The following TTC6 variants were observed in gnomAD, a reference collection of about 807,000 sequenced individuals.
TTC6 encodes tetratricopeptide repeat protein 6.
A neutral mutation model predicts 210.4 loss-of-function variants in TTC6; 172 were observed. The observed-to-expected ratio is 0.82, with a 90% CI of 0.72 to 0.93. The LOEUF is 0.93. TTC6 is among the 40% of genes least tolerant of loss of function. The probability of loss-of-function intolerance (pLI) is 0.00; values close to 1 mark genes in which losing one functional copy is unlikely to be tolerated. For missense variants in TTC6, 2,414 were observed against 2,318.1 expected (o/e 1.04, Z -0.85); for synonymous variants, 804 against 819.6 (o/e 0.98, Z 0.32).
rs145987508 is a variant in TTC6, at chr14:37,792,845, A to G, written c.3708+431A>G. Among the ~76,000 whole-genome samples, 14 of 149,530 alleles carry G rather than the reference A, an allele frequency of 9.4e-5. No homozygotes were observed. The East Asian group carries it at 1.6e-3, about 17-fold the overall frequency. ...ACAGGTGAGTAAGTAGGTTCATACA[A>G]TGGGATCCAACCATAGAATGGGATA... On this transcript the variant is annotated intron_variant, in intron 17 of 30. Coordinates refer to ENST00000553443, the Ensembl canonical transcript of TTC6.
At chr14:37,729,380 C>A (rs1001413146) in intron 7 of TTC6, among the ~76,000 whole-genome samples, 2 of 152,190 alleles carry the variant, frequency 1.3e-5, no homozygotes, top group Non-Finnish European at 2.9e-5. Flanking sequence ...CTCACATCTG[C>A]TTCAAGAAAA....
intron 2 of TTC6, 40 bp downstream of exon 4, chr14:37,680,301 G>A (rs2095780407): frequency 1.6e-6 from 2 of 1,243,804 alleles, no homozygotes; most frequent in Non-Finnish European, 2.2e-6. Context: ...CTCTGTTAAA[G>A]TAACAGCATG....
intron 29 of TTC6, among the ~76,000 whole-genome samples, chr14:37,840,184 A>G (rs2096206824): frequency 6.6e-6 from 1 of 152,216 alleles, no homozygotes; most frequent in African/African-American, 2.4e-5. Flanking sequence ...CAGAAATACA[A>G]ACTACCATCA....
At chr14:37,788,971 G>T (rs888252979) in intron 15 of TTC6, among the ~76,000 whole-genome samples, 8 of 151,842 alleles carry the variant, frequency 5.3e-5, no homozygotes, top group African/African-American at 1.9e-4. Context: ...GGCTTCTCAT[G>T]CCCTCCTCTC....
chr14:37,725,155 T>A (rs1476867691), intron 7 of TTC6, among the ~76,000 whole-genome samples, 153 bp downstream of exon 9: 5 of 150,598 alleles, frequency 3.3e-5, no homozygotes. Context: ...ACTACAGAAG[T>A]TATTTATATA....
chr14:37,748,639 C>T (rs2095943002), intron 10 of TTC6, among the ~76,000 whole-genome samples: 1 of 151,932 alleles, frequency 6.6e-6, no homozygotes, highest in Admixed American at 6.6e-5. Flanking sequence ...ATTGTAATTC[C>T]TCTGGTGGCT....
chr14:37,738,781 A>G (rs544015771), exon 10 of TTC6: 9 of 1,477,196 alleles, frequency 6.1e-6, no homozygotes, highest in South Asian at 5.4e-5. Context: ...CTAAGCGAGT[A>G]AAATCTTCTG....
intron 3 of TTC6, among the ~76,000 whole-genome samples, chr14:37,689,793 C>T (rs577021431): frequency 4.7e-4 from 71 of 152,122 alleles, no homozygotes; most frequent in Non-Finnish European, 9.6e-4. Context: ...TTATCAACAC[C>T]AGACCTGTCT....
At chr14:37,746,333 C>G (rs1463451132) in intron 10 of TTC6, among the ~76,000 whole-genome samples, 1 of 152,176 alleles carries the variant, frequency 6.6e-6, no homozygotes, top group Non-Finnish European at 1.5e-5. Flanking sequence ...CTTGACTAAG[C>G]ACATTCCATA....
intron 1 of TTC6, among the ~76,000 whole-genome samples, chr14:37,647,574 C>T (rs1326546837): frequency 6.6e-6 from 1 of 150,376 alleles, no homozygotes; most frequent in Non-Finnish European, 1.5e-5. Flanking sequence ...GGGGGCAGCC[C>T]GATTGTGAGG....
intron 20 of TTC6, 125 bp from the exon 23 acceptor site, chr14:37,804,555 G>T (rs1379027073): frequency 7.9e-7 from 1 of 1,264,606 alleles, no homozygotes; most frequent in African/African-American, 1.5e-5. Context: ...AGGTCTGTTT[G>T]TCCCCAGATA....
intron 1 of TTC6, among the ~76,000 whole-genome samples, chr14:37,655,323 G>T (rs1429765211): frequency 1.3e-5 from 2 of 152,130 alleles, no homozygotes; most frequent in Non-Finnish European, 1.5e-5. Flanking sequence ...GAAAAAAATG[G>T]ATAGTTTCTC....
At chr14:37,616,122 C>T (rs1355157749) in intron 2 of TTC6, among the ~76,000 whole-genome samples, 1 of 152,192 alleles carries the variant, frequency 6.6e-6, no homozygotes, top group Non-Finnish European at 1.5e-5. Context: ...TAAGCCTTTA[C>T]TGTGCTACTT....
chr14:37,797,243 G>A (rs931008433), intron 20 of TTC6, among the ~76,000 whole-genome samples: 10 of 151,990 alleles, frequency 6.6e-5, no homozygotes, highest in Admixed American at 1.3e-4. Context: ...GAAATGACGC[G>A]TTGTTTCATA....
chr14:37,828,152 CTTCAA>C (rs1200729865), intron 29 of TTC6, among the ~76,000 whole-genome samples: 3 of 152,060 alleles, frequency 2.0e-5, no homozygotes, highest in Non-Finnish European at 2.9e-5. Context: ...TCTCTTTGGA[CTTCAA>C]TTCATAATGT....
chr14:37,774,628 T>A (rs1176520201), intron 14 of TTC6, among the ~76,000 whole-genome samples: 1 of 152,102 alleles, frequency 6.6e-6, no homozygotes, highest in Non-Finnish European at 1.5e-5. Flanking sequence ...TGCTGCTGGA[T>A]TTGGTTTGGT....
rs537746357 is a variant in TTC6 at position 37,787,873 on chromosome 14, TTATG to T, written c.3436+238_3436+241del. On this transcript the variant is annotated intron_variant, in intron 15 of 30. Transcript: ENST00000553443. Reference sequence around the variant, plus strand: ...GCTATAAGTGTTTCTAATATGCCCTTTATGTGTGTGTGTGTCTGTGTGTGTGTGT... The same window carrying T: ...GCTATAAGTGTTTCTAATATGCCCTTTGTGTGTGTGTCTGTGTGTGTGTGT... 1.3e-3 allele frequency among the ~76,000 whole-genome samples: 163 copies of T among 129,404 alleles called. 1 individual carries two copies. In the East Asian group the frequency reaches 0.017, roughly 13 times the overall value. The allele number at this position is 129,404 out of a possible 152,430, so 84.9% of individuals were successfully genotyped here. A position where few individuals can be genotyped will look rare whatever the true frequency, so the allele number is the denominator to read the frequency against.
chr14:37,793,280 T>A (rs1254525043), intron 17 of TTC6, among the ~76,000 whole-genome samples: 1 of 152,212 alleles, frequency 6.6e-6, no homozygotes, highest in Non-Finnish European at 1.5e-5. Context: ...AGCTTCTAAT[T>A]GCCTTTCTAC....
rs753561673 is a variant in TTC6 at position 37,841,439 on chromosome 14, T to C, written c.5299-6T>C. 3.2e-6 allele frequency: 5 copies of C among 1,581,564 alleles called. No homozygotes were observed. The South Asian group carries it at 5.9e-5, about 19-fold the overall frequency. On this transcript the variant is annotated splice_region_variant and splice_polypyrimidine_tract_variant and intron_variant, in intron 29 of 30. Coordinates refer to ENST00000553443, the Ensembl canonical transcript of TTC6. ...TAAAATATATCATTATCTTCATATT[T>C]TGTAGGCCAGTGACTACTTCTCAAA... is the stretch of plus-strand genomic sequence containing the variant.
Sources: gnomAD v4.1 joint callset for allele counts (sites outside exome capture counted in the v4.1 genomes callset) on GRCh38, gnomAD v4.1.1 for gene constraint, MANE v1.5 for transcripts, NCBI Gene and HGNC (gene_info 2026-07-23, HGNC 2026-07-21) for gene names.